VPS13B: variants seen among roughly 807,000 people sequenced by gnomAD.
The protein encoded by VPS13B is vacuolar protein sorting 13 homolog B, also known as intermembrane lipid transfer protein VPS13B.
A neutral mutation model predicts 426.4 loss-of-function variants in VPS13B; 285 were observed. The ratio of observed to expected loss-of-function variants is 0.67; its 90% CI spans 0.61 to 0.74. The LOEUF (loss-of-function observed/expected upper bound fraction) is 0.74. VPS13B is among the 30% of genes least tolerant of loss of function. The pLI, the probability that VPS13B is intolerant of heterozygous loss-of-function variation, is 0.00. For synonymous variants in VPS13B, 1,676 were observed against 1,676.4 expected, an observed-to-expected ratio of 1.00 and a Z score of 0.01; for missense variants, 4,537 against 4,782.6, an observed-to-expected ratio of 0.95 and a Z score of 1.51.
intron 51 of VPS13B, among the ~76,000 whole-genome samples, chr8:99,828,880 A>C (rs1453878769): frequency 6.6e-6 from 1 of 152,134 alleles, no homozygotes; most frequent in Non-Finnish European, 1.5e-5. Context: ...CTGGATATGA[A>C]ATTCTGGATT....
chr8:99,270,481 G>T (rs529523379), intron 17 of VPS13B, among the ~76,000 whole-genome samples: 2 of 151,946 alleles, frequency 1.3e-5, no homozygotes, highest in African/African-American at 4.8e-5. Context: ...TATGATAAGA[G>T]TCTTATATAT....
intron 16 of VPS13B, among the ~76,000 whole-genome samples, chr8:99,191,422 C>T (rs1238556365): frequency 2.5e-5 from 3 of 119,950 alleles, no homozygotes; most frequent in South Asian, 2.8e-4. Flanking sequence ...CTGTCTCTGT[C>T]GCCCAGGCTG....
In VPS13B at chr8:99,561,168, G is replaced by T. The variant is rs150433403; in HGVS notation, c.4949+4515G>T. Among the ~76,000 whole-genome samples the T allele has an allele frequency of 4.4e-3, 676 of 152,254 alleles. 2 individuals carry two copies. The highest frequency in any genetic ancestry group is 6.4e-3 in the Non-Finnish European group (432 of 68,018). On this transcript the variant is annotated intron_variant, in intron 31 of 61. Coordinates refer to ENST00000357162, the MANE Select transcript of VPS13B (RefSeq NM_152564.5). ...CACCCCAAAGTAAAATCCGTTGCCT[G>T]GTAGGCAGTTTGTCTCTATCTTTCT...
intron 3 of VPS13B, among the ~76,000 whole-genome samples, chr8:99,051,661 A>G (rs181785272): frequency 9.8e-5 from 15 of 152,292 alleles, no homozygotes; most frequent in Non-Finnish European, 2.2e-4. Flanking sequence ...CCTACCCATG[A>G]GCATGCAATG....
chr8:99,502,475 G>C (rs1821299475), intron 26 of VPS13B, among the ~76,000 whole-genome samples: 1 of 151,960 alleles, frequency 6.6e-6, no homozygotes, highest in Non-Finnish European at 1.5e-5. Context: ...TATTTTCCTT[G>C]ACTTTGTAAT....
At chr8:99,129,565 T>A in intron 8 of VPS13B, among the ~76,000 whole-genome samples, 1 of 124,088 alleles carries the variant, frequency 8.1e-6, no homozygotes, top group African/African-American at 3.2e-5. Context: ...AGACTGTGTC[T>A]CCTTAAAAAA....
intron 2 of VPS13B, among the ~76,000 whole-genome samples, chr8:99,021,337 CTGT>C (rs1226526964): frequency 2.6e-5 from 4 of 152,142 alleles, no homozygotes; most frequent in Non-Finnish European, 5.9e-5. Context: ...CAAAGTCTCA[CTGT>C]GGCTGGGCAC....
At chr8:99,868,980 C>T (rs1021722811) in intron 59 of VPS13B, among the ~76,000 whole-genome samples, 2 of 152,214 alleles carry the variant, frequency 1.3e-5, no homozygotes, top group Non-Finnish European at 2.9e-5. Context: ...ACAAGGCAGA[C>T]AGCTGGGAAG....
chr8:99,169,896 T>G (rs1035156136), intron 15 of VPS13B, 143 bp from the exon 16 acceptor site: 4 of 953,204 alleles, frequency 4.2e-6, no homozygotes, highest in Non-Finnish European at 6.5e-6. Context: ...GAAGAAAATG[T>G]TGATCGTTTG....
At chr8:99,274,413 A>G (rs1818786951) in intron 18 of VPS13B, 81 bp downstream of exon 18, 1 of 1,595,524 alleles carries the variant, frequency 6.3e-7, no homozygotes, top group African/African-American at 1.3e-5. Flanking sequence ...CGTTACTGAA[A>G]CAAGAATTTA....
At chr8:99,110,162 T>C (rs1847286679) in intron 5 of VPS13B, among the ~76,000 whole-genome samples, 1 of 152,124 alleles carries the variant, frequency 6.6e-6, no homozygotes, top group South Asian at 2.1e-4. Flanking sequence ...TAAAAACTTA[T>C]AAAATAAAAT....
chr8:99,836,864 C>T (rs925166512), intron 54 of VPS13B, among the ~76,000 whole-genome samples: 1 of 152,194 alleles, frequency 6.6e-6, no homozygotes, highest in Non-Finnish European at 1.5e-5. Context: ...AAGTTAGTGA[C>T]TATCATCTCC....
chr8:99,876,668 A>C lies in VPS13B; in HGVS notation c.*1002A>C, dbSNP rs538592464. On this transcript the variant is annotated 3_prime_UTR_variant, in exon 62 of 62. Coordinates refer to ENST00000357162, the MANE Select transcript of VPS13B (RefSeq NM_152564.5). ...CAGTGTCTGTCTGATAATATTTTGC[A>C]TCTAAGAATGGGTTTGACTCAAGAT... 6.6e-6 allele frequency: 1 copy of C among 152,240 alleles called. No homozygotes were observed. 9.4% of individuals were successfully genotyped at this position (152,240 alleles called of 1,614,324 possible).
intron 30 of VPS13B, among the ~76,000 whole-genome samples, chr8:99,522,882 G>A (rs1822445170): frequency 6.6e-6 from 1 of 152,164 alleles, no homozygotes; most frequent in Admixed American, 6.5e-5. Flanking sequence ...AGGAGTAACA[G>A]CAGAATTAGA....
chr8:99,489,879 C>T (rs185556479), intron 25 of VPS13B, among the ~76,000 whole-genome samples: 2 of 152,044 alleles, frequency 1.3e-5, no homozygotes, highest in African/African-American at 2.4e-5. Context: ...TCTTTTCCTG[C>T]TTGAATACCC....
chr8:99,805,483 T>G (rs1366403379), intron 43 of VPS13B, among the ~76,000 whole-genome samples: 1 of 152,180 alleles, frequency 6.6e-6, no homozygotes, highest in East Asian at 1.9e-4. Context: ...TCTTTCCTCT[T>G]AAATATATCA....
intron 19 of VPS13B, among the ~76,000 whole-genome samples, chr8:99,333,597 A>G (rs761503684): frequency 2.0e-5 from 3 of 151,906 alleles, no homozygotes; most frequent in Admixed American, 6.6e-5. Flanking sequence ...GTCAAGATAC[A>G]GAATAGTTTC....
intron 23 of VPS13B, among the ~76,000 whole-genome samples, chr8:99,460,607 A>C (rs1818772519): frequency 1.3e-5 from 2 of 152,218 alleles, no homozygotes; most frequent in Admixed American, 1.3e-4. Flanking sequence ...AGGACAAGGT[A>C]TTTCTGGTAA....
intron 33 of VPS13B, among the ~76,000 whole-genome samples, chr8:99,626,545 T>A (rs1828620489): frequency 6.6e-6 from 1 of 152,200 alleles, no homozygotes. Context: ...GTTGTATAAC[T>A]CTAAATATAC....
Sources: allele counts gnomAD v4.1 joint callset (sites outside exome capture counted in the v4.1 genomes callset), GRCh38; gene constraint gnomAD v4.1.1; transcripts MANE v1.5; gene names NCBI Gene and HGNC (gene_info 2026-07-23, HGNC 2026-07-21).